The following GRIP1 variants were observed in gnomAD, a reference collection of about 807,000 sequenced individuals.
GRIP1 encodes glutamate receptor-interacting protein 1.
In GRIP1, 45 loss-of-function variants were observed where a neutral mutation model predicts 129.9. The observed-to-expected ratio is 0.35, with a 90% CI of 0.27 to 0.44. The LOEUF (loss-of-function observed/expected upper bound fraction) is 0.44. Ranked by LOEUF, GRIP1 falls within the 20% of genes least tolerant of loss-of-function variation. GRIP1 has a pLI of 1.00. For missense variants in GRIP1, 1,196 were observed against 1,396.8 expected, an observed-to-expected ratio of 0.86 and a Z score of 2.29; for synonymous variants, 530 against 520.8, an observed-to-expected ratio of 1.02 and a Z score of -0.24.
At chr12:66,478,149 C>T (rs914681206) in intron 7 of GRIP1, among the ~76,000 whole-genome samples, 9 of 151,982 alleles carry the variant, frequency 5.9e-5, no homozygotes, top group East Asian at 1.9e-4. Context: ...GGCTAATATC[C>T]TAATCTACAA....
intron 2 of GRIP1, among the ~76,000 whole-genome samples, chr12:66,582,379 C>A (rs1212827495): frequency 6.9e-6 from 1 of 145,210 alleles, no homozygotes; most frequent in Non-Finnish European, 1.5e-5. Context: ...CACTCCTATT[C>A]AACATAGTGT....
At chr12:66,401,989 C>G (rs984865533) in intron 16 of GRIP1, among the ~76,000 whole-genome samples, 1 of 152,166 alleles carries the variant, frequency 6.6e-6, no homozygotes, top group Non-Finnish European at 1.5e-5. Context: ...ATTCAAATTT[C>G]TTAACATGAT....
intron 1 of GRIP1, among the ~76,000 whole-genome samples, chr12:66,773,192 G>A (rs1372276074): frequency 1.3e-5 from 2 of 152,192 alleles, no homozygotes; most frequent in East Asian, 3.9e-4. Flanking sequence ...GGTTAATGAT[G>A]TTATGTCTGG....
intron 15 of GRIP1, among the ~76,000 whole-genome samples, chr12:66,415,429 G>A (rs780148856): frequency 9.9e-5 from 15 of 152,138 alleles, no homozygotes; most frequent in African/African-American, 2.4e-4. Flanking sequence ...AACAGATGCC[G>A]GTGAGGTTGC....
intron 2 of GRIP1, among the ~76,000 whole-genome samples, chr12:66,552,578 G>T (rs543583761): frequency 2.6e-5 from 4 of 152,072 alleles, no homozygotes; most frequent in Non-Finnish European, 4.4e-5. Context: ...TGAAATTTCC[G>T]CCTCATGTAA....
intron 1 of GRIP1, among the ~76,000 whole-genome samples, chr12:66,663,432 G>A (rs1237529084): frequency 6.6e-6 from 1 of 152,120 alleles, no homozygotes; most frequent in African/African-American, 2.4e-5. Flanking sequence ...CATCTGGGGG[G>A]CCAATCAGTA....
At chr12:67,001,620 C>G (rs549777702) in intron 1 of GRIP1, among the ~76,000 whole-genome samples, 3 of 152,086 alleles carry the variant, frequency 2.0e-5, no homozygotes, top group African/African-American at 7.2e-5. Context: ...GTAGGAAGAC[C>G]CAGCAACTCT....
At chr12:66,833,377 A>G (rs149652120) in intron 1 of GRIP1, among the ~76,000 whole-genome samples, 155 of 152,276 alleles carry the variant, frequency 1.0e-3, no homozygotes, top group African/African-American at 3.4e-3. Flanking sequence ...TCCAAATGAG[A>G]AAGTCCCCAC....
intron 13 of GRIP1, among the ~76,000 whole-genome samples, chr12:66,437,926 G>A (rs12826496): frequency 0.092 from 13,924 of 152,168 alleles, 879 homozygotes; most frequent in Middle Eastern, 0.14. Flanking sequence ...ACCGACCTAG[G>A]TCTACGATTC....
Position 66,392,803 on chromosome 12 carries a change from G to A in GRIP1, c.2143C>T (p.His715Tyr). ...ATGGCTAGGATTCGGTCTCCTATGTGGATTGCGCCAGTTCTGAAAAGCCAA... is the reference window on the plus strand; with the variant it reads ...ATGGCTAGGATTCGGTCTCCTATGTAGATTGCGCCAGTTCTGAAAAGCCAA... The part of the protein sequence containing the change: ...GGLAERTGAI[H>Y]IGDRILAINS... The change falls in exon 18 of 25, where the codon CAC (histidine) becomes TAC (tyrosine). Residue 715 changes from histidine (H) to tyrosine (Y), a missense_variant. Physicochemically the swap from His to Tyr is moderately conservative, Grantham distance 83. Coordinates refer to ENST00000359742, the MANE Select transcript of GRIP1 (RefSeq NM_001366722.1). 6.2e-7 allele frequency: 1 copy of A among 1,613,982 alleles called. No individual in the cohort carries two copies. The highest frequency in any genetic ancestry group is 8.5e-7 in the Non-Finnish European group (1 of 1,179,932).
intron 1 of GRIP1, among the ~76,000 whole-genome samples, chr12:66,789,002 ACTTATC>A (rs1364357600): frequency 6.6e-6 from 1 of 152,148 alleles, no homozygotes; most frequent in African/African-American, 2.4e-5. Context: ...ACAATAAAAT[ACTTATC>A]CTTTGCCTTT....
intron 4 of GRIP1, among the ~76,000 whole-genome samples, chr12:66,531,098 G>C (rs1456786219): frequency 1.3e-5 from 2 of 151,650 alleles, no homozygotes; most frequent in South Asian, 2.1e-4. Context: ...AGCTGGGCGT[G>C]GTGGAAGATG....
chr12:66,552,908 G>C (rs993367548), intron 2 of GRIP1, among the ~76,000 whole-genome samples: 4 of 152,130 alleles, frequency 2.6e-5, no homozygotes, highest in Non-Finnish European at 5.9e-5. Context: ...TTTCCATGGA[G>C]AAGCCATGGG....
chr12:66,406,005 T>C (rs1038725628), intron 16 of GRIP1, among the ~76,000 whole-genome samples: 1 of 152,254 alleles, frequency 6.6e-6, no homozygotes, highest in African/African-American at 2.4e-5. Context: ...CCAGTTTCAC[T>C]GTATTAGATG....
chr12:67,066,888 T>TTTTTTTTATATA (rs59891449), intron 1 of GRIP1, among the ~76,000 whole-genome samples: 43 of 125,658 alleles, frequency 3.4e-4, no homozygotes, highest in Admixed American at 5.9e-4. Flanking sequence ...AAATATATAT[T>TTTTTTTTATATA]TATATATATA....
At chr12:66,471,651 C>G (rs973834509) in intron 7 of GRIP1, among the ~76,000 whole-genome samples, 1 of 152,182 alleles carries the variant, frequency 6.6e-6, no homozygotes, top group African/African-American at 2.4e-5. Context: ...CTACTAGTCT[C>G]TATGGTGGAA....
At chr12:66,431,884 T>G (rs1459177053) in intron 14 of GRIP1, among the ~76,000 whole-genome samples, 1 of 152,170 alleles carries the variant, frequency 6.6e-6, no homozygotes, top group African/African-American at 2.4e-5. Context: ...TTGAGTACAT[T>G]TATATGCTCC....
intron 1 of GRIP1, among the ~76,000 whole-genome samples, chr12:67,068,452 A>T (rs2043669233): frequency 6.6e-6 from 1 of 152,010 alleles, no homozygotes; most frequent in African/African-American, 2.4e-5. Context: ...CCAGACCCTG[A>T]TCGAGGGGAC....
intron 13 of GRIP1, among the ~76,000 whole-genome samples, chr12:66,443,603 C>T (rs567831983): frequency 2.0e-5 from 3 of 152,020 alleles, no homozygotes; most frequent in South Asian, 4.2e-4. Context: ...TATAGGTGCC[C>T]GCCACCATGC....
Sources: gnomAD v4.1 joint callset for allele counts (sites outside exome capture counted in the v4.1 genomes callset) on GRCh38, gnomAD v4.1.1 for gene constraint, MANE v1.5 for transcripts, NCBI Gene and HGNC (gene_info 2026-07-23, HGNC 2026-07-21) for gene names.